PAM: variants seen among roughly 807,000 people sequenced by gnomAD.
The protein encoded by PAM is peptidyl-glycine alpha-amidating monooxygenase.
Under a neutral mutation model 122.1 loss-of-function variants are expected in PAM, and 72 were observed. That is an observed-to-expected ratio of 0.59 (90% CI 0.49 to 0.72). The LOEUF is 0.72. Ranked by LOEUF, PAM falls within the 30% of genes least tolerant of loss-of-function variation. The probability of loss-of-function intolerance (pLI) is 0.00; values close to 1 mark genes in which losing one functional copy is unlikely to be tolerated. For missense variants in PAM, 1,106 were observed against 1,183.7 expected (o/e 0.93, Z 0.96); for synonymous variants, 389 against 404.4 (o/e 0.96, Z 0.46).
At chr5:102,900,262 G>T (rs965657100) in intron 3 of PAM, among the ~76,000 whole-genome samples, 5 of 112,222 alleles carry the variant, frequency 4.5e-5, no homozygotes, top group South Asian at 3.4e-4. Context: ...TGTGGGGGGG[G>T]GGCGGGGGGA....
At chr5:102,900,344 A>G (rs1450623415) in intron 3 of PAM, among the ~76,000 whole-genome samples, 3 of 151,524 alleles carry the variant, frequency 2.0e-5, no homozygotes, top group African/African-American at 7.3e-5. Context: ...GACTTCTAAG[A>G]AATGAAACAA....
At chr5:102,824,786 A>G (rs1381772113) in intron 1 of PAM, among the ~76,000 whole-genome samples, 3 of 17,314 alleles carry the variant, frequency 1.7e-4, no homozygotes, top group Non-Finnish European at 2.3e-4. Context: ...AAATCACTTA[A>G]AAAATTCACA....
At chr5:102,886,175 A>G (rs1793020427) in intron 3 of PAM, among the ~76,000 whole-genome samples, 1 of 152,134 alleles carries the variant, frequency 6.6e-6, no homozygotes, top group African/African-American at 2.4e-5. Context: ...AGATTAGCAA[A>G]CCTGTGATTT....
chr5:103,024,055 T>C (rs1049157286), intron 23 of PAM, among the ~76,000 whole-genome samples: 2 of 152,166 alleles, frequency 1.3e-5, no homozygotes, highest in African/African-American at 4.8e-5. Flanking sequence ...CAAAATCTTC[T>C]TGAGGCTTTA....
At chr5:102,999,609 T>C (rs528103973) in intron 16 of PAM, among the ~76,000 whole-genome samples, 2 of 152,236 alleles carry the variant, frequency 1.3e-5, no homozygotes, top group Non-Finnish European at 2.9e-5. Flanking sequence ...AACTTCTTCC[T>C]GGACCTCCAG....
intron 15 of PAM, among the ~76,000 whole-genome samples, chr5:102,982,045 A>G (rs1047072892): frequency 6.6e-6 from 1 of 152,144 alleles, no homozygotes; most frequent in Non-Finnish European, 1.5e-5. Flanking sequence ...TGCCCCTGCC[A>G]GTGCCTGCCC....
chr5:102,910,083 G>A (rs1262312814), intron 4 of PAM, among the ~76,000 whole-genome samples: 1 of 151,786 alleles, frequency 6.6e-6, no homozygotes. Flanking sequence ...ATCTTTCTAT[G>A]TCCTAAGTCT....
chr5:102,966,591 C>A (rs372819364), intron 14 of PAM, among the ~76,000 whole-genome samples: 50 of 152,146 alleles, frequency 3.3e-4, no homozygotes, highest in Middle Eastern at 3.4e-3. Flanking sequence ...AGTAAACAAT[C>A]AATAAACCAA....
chr5:102,859,163 A>G (rs923510056), intron 1 of PAM, among the ~76,000 whole-genome samples: 3 of 152,212 alleles, frequency 2.0e-5, no homozygotes, highest in Non-Finnish European at 2.9e-5. Flanking sequence ...TACAAAAAAA[A>G]TGTTAACTGT....
intron 1 of PAM, among the ~76,000 whole-genome samples, chr5:102,780,749 CTTTCTCTTTCTTTCTTTCTTTCTTTCTT>C (rs1188480028): frequency 1.0e-4 from 15 of 149,372 alleles, no homozygotes; most frequent in East Asian, 1.0e-3. Flanking sequence ...CTTTTTCTTT[CTTTCTCTTTCTTTCTTTCTTTCTTTCTT>C]TCTTTCTTTC....
At chr5:102,830,012 G>A (rs1000775544) in intron 1 of PAM, among the ~76,000 whole-genome samples, 1 of 152,146 alleles carries the variant, frequency 6.6e-6, no homozygotes, top group Admixed American at 6.5e-5. Flanking sequence ...ATATTACACA[G>A]ACCTAGCAAC....
rs78455294 is a variant in PAM, at chr5:102,936,445, T to A, written c.526+9777T>A. Among the ~76,000 whole-genome samples, 22 of 152,284 alleles carry A rather than the reference T, an allele frequency of 1.4e-4. No individual in the cohort carries two copies. The East Asian group carries it at 4.1e-3, about 28-fold the overall frequency. ...CCAAAGATTTTACTGACATCCTTAATGTGCAAGTTCCAACATAGGTCTTTG... is the reference window on the plus strand; with the variant it reads ...CCAAAGATTTTACTGACATCCTTAAAGTGCAAGTTCCAACATAGGTCTTTG... On this transcript the variant is annotated intron_variant, in intron 7 of 25. Transcript: ENST00000438793.
chr5:102,851,250 G>T (rs1420232016), intron 1 of PAM, among the ~76,000 whole-genome samples: 1 of 152,146 alleles, frequency 6.6e-6, no homozygotes, highest in African/African-American at 2.4e-5. Flanking sequence ...CTTAGGTTGT[G>T]TGTATATGTA....
chr5:102,811,331 T>C (rs1242797244), intron 1 of PAM, among the ~76,000 whole-genome samples: 2 of 152,214 alleles, frequency 1.3e-5, no homozygotes, highest in Non-Finnish European at 2.9e-5. Flanking sequence ...GAGAATTCCT[T>C]TCCTTGTCTT....
intron 7 of PAM, among the ~76,000 whole-genome samples, chr5:102,937,151 A>G (rs1280063034): frequency 2.6e-5 from 4 of 152,162 alleles, no homozygotes; most frequent in African/African-American, 9.6e-5. Context: ...AAATTCTTTA[A>G]TAGAAGCCAC....
At chr5:102,929,387 A>T (rs1750667796) in intron 7 of PAM, among the ~76,000 whole-genome samples, 1 of 152,188 alleles carries the variant, frequency 6.6e-6, no homozygotes. Flanking sequence ...TATTTATGTT[A>T]TGTACATATT....
intron 1 of PAM, among the ~76,000 whole-genome samples, chr5:102,786,494 T>G (rs1760575783): frequency 6.6e-6 from 1 of 152,070 alleles, no homozygotes; most frequent in Non-Finnish European, 1.5e-5. Context: ...AGTTTCTGAG[T>G]TTTTTAATGT....
Position 102,764,805 on chromosome 5 carries a change from CT to C in PAM, c.-374+9459del. ...GCTCAAAAACTGTCAGTGGTAACTGCTTGTCTGTCTTGTCAATGACAATCCC... is the reference window on the plus strand; with the variant it reads ...GCTCAAAAACTGTCAGTGGTAACTGCTGTCTGTCTTGTCAATGACAATCCC... On this transcript the variant is annotated intron_variant, in intron 1 of 25. Coordinates refer to ENST00000438793, the MANE Select transcript of PAM (RefSeq NM_001177306.2). Among the ~76,000 whole-genome samples the C allele has an allele frequency of 2.0e-5, 3 of 152,302 alleles. 1 individual carries two copies. In the South Asian group the frequency reaches 6.2e-4, roughly 32 times the overall value.
chr5:102,866,366 T>G (rs746774353), intron 2 of PAM, 82 bp downstream of exon 2: 3 of 863,496 alleles, frequency 3.5e-6, no homozygotes, highest in Admixed American at 3.8e-5. Flanking sequence ...GTTGGCAAAA[T>G]AGACGGGGTT....
Sources: allele counts gnomAD v4.1 joint callset (sites outside exome capture counted in the v4.1 genomes callset), GRCh38; gene constraint gnomAD v4.1.1; transcripts MANE v1.5; gene names NCBI Gene and HGNC (gene_info 2026-07-23, HGNC 2026-07-21).